Variants in KMT2A observed in about 807,000 individuals in gnomAD.
KMT2A encodes lysine methyltransferase 2A, also known as histone-lysine N-methyltransferase 2A.
KMT2A carries 16 observed loss-of-function variants against 345.3 expected under a neutral mutation model. That is an observed-to-expected ratio of 0.05 (90% confidence interval 0.03 to 0.07). KMT2A has a LOEUF of 0.07. Ranked by LOEUF, KMT2A falls within the 10% of genes least tolerant of loss-of-function variation. The pLI, the probability that KMT2A is intolerant of heterozygous loss-of-function variation, is 1.00. For missense variants in KMT2A, 3,272 were observed against 4,841.6 expected, an observed-to-expected ratio of 0.68 and a Z score of 9.62; for synonymous variants, 1,599 against 1,778.6, an observed-to-expected ratio of 0.90 and a Z score of 2.54.
In KMT2A at chr11:118,506,312, G is replaced by C; in HGVS notation, c.10420G>C (p.Asp3474His). 1 of 1,614,170 alleles carries C rather than the reference G, an allele frequency of 6.2e-7. No homozygotes were observed. The highest frequency in any genetic ancestry group is 1.7e-5 in the Admixed American group (1 of 60,026). Residue 3474 changes from aspartate to histidine, a missense_variant, in exon 27 of 36, where the codon GAT becomes CAT. Coordinates refer to ENST00000534358, the MANE Select transcript of KMT2A (RefSeq NM_001197104.2). ...AACTGGGATTCATTCTTCCCAGCGTGATCTTGATTCTGCTTCAGGGCCCCA... is the reference window on the plus strand; with the variant it reads ...AACTGGGATTCATTCTTCCCAGCGTCATCTTGATTCTGCTTCAGGGCCCCA... ...SKTGIHSSQR[D>H]LDSASGPQVS... is the part of the protein sequence containing the mutation.
intron 4 of KMT2A, among the ~76,000 whole-genome samples, chr11:118,477,597 TC>T (rs1950062847): frequency 7.3e-6 from 1 of 136,734 alleles, no homozygotes; most frequent in Non-Finnish European, 1.5e-5. Flanking sequence ...AGCCTCCACT[TC>T]CCAGGTTCAA....
chr11:118,507,880 G>A (rs1263278209), intron 28 of KMT2A: 2 of 331,028 alleles, frequency 6.0e-6, no homozygotes, highest in Non-Finnish European at 1.2e-5. Flanking sequence ...GGAGAAGGGC[G>A]TGAACCCAGG....
rs781976863 is a variant in KMT2A at position 118,505,302 on chromosome 11, G to A, written c.9410G>A (p.Gly3137Glu). ...GGAGGTGGTCTCACCCTTACCACAG[G>A]ACTAAATCCAAGCTTGCCAACTTCT... ...PMGGGLTLTT[G>E]LNPSLPTSQS... is the part of the protein sequence containing the mutation. Residue 3137 changes from glycine to glutamate, a missense_variant, in exon 27 of 36, where the codon GGA becomes GAA. Physicochemically the swap from Gly to Glu is moderately conservative, Grantham distance 98. This residue lies in a region of KMT2A where 748 missense variants were observed against 922.2 expected (regional missense o/e 0.81). Transcript: ENST00000534358. The surrounding 1 kb of genome is among the most constrained non-coding windows in gnomAD (Gnocchi z 4.6). 1 of 1,614,150 alleles carries A rather than the reference G, an allele frequency of 6.2e-7. No homozygotes were observed. The highest frequency in any genetic ancestry group is 1.1e-5 in the South Asian group (1 of 91,084).
In KMT2A at chr11:118,520,053, G is replaced by T; in HGVS notation, c.11418G>T (p.Leu3806=). 1 of 1,612,898 alleles carries T rather than the reference G, an allele frequency of 6.2e-7. No homozygotes were observed. The highest frequency in any genetic ancestry group is 1.1e-5 in the South Asian group (1 of 91,014). ...ATGAAGAAGAGGAGGAGGTACAGCT[G>T]AAGTCAGCTCGGTAAGTCTTGAGTG... The part of the protein sequence containing the change: ...PNDEEEEEVQ[L]KSARRATSMD... Residue 3806 remains leucine, a synonymous_variant, in exon 33 of 36, where the codon CTG becomes CTT. Coordinates refer to ENST00000534358, the MANE Select transcript of KMT2A (RefSeq NM_001197104.2). The surrounding 1 kb of genome is among the most constrained non-coding windows in gnomAD (Gnocchi z 4.3).
Position 118,510,482 on chromosome 11 carries a change from C to T in KMT2A, c.11071+364C>T, listed in dbSNP as rs563121921. Among the ~76,000 whole-genome samples the T allele has an allele frequency of 1.2e-4, 19 of 152,176 alleles. No individual in the cohort carries two copies. The highest frequency in any genetic ancestry group is 4.6e-4 in the African/African-American group (19 of 41,516). On this transcript the variant is annotated intron_variant, in intron 30 of 35. Transcript: ENST00000534358. This position sits in a 1 kb window ranked among gnomAD's most constrained non-coding sequence, Gnocchi z 4.1. ...TTTCTCCTCTGCCTGGAGTTCTCTC[C>T]CTGCCCTCAATCACCTGGTGAGCTC...
Position 118,495,164 on chromosome 11 carries a change from ATT to A in KMT2A, c.5363+409_5363+410del, listed in dbSNP as rs1204776106. Among the ~76,000 whole-genome samples, 2 of 140,986 alleles carry A rather than the reference ATT, an allele frequency of 1.4e-5. No individual in the cohort carries two copies. The highest frequency in any genetic ancestry group is 3.1e-5 in the Non-Finnish European group (2 of 64,832). 92.5% of individuals were successfully genotyped at this position (140,986 alleles called of 152,430 possible). On this transcript the variant is annotated intron_variant, in intron 18 of 35. Transcript: ENST00000534358. The surrounding 1 kb of genome is among the most constrained non-coding windows in gnomAD (Gnocchi z 4.1). The stretch of plus-strand genomic sequence containing the variant: ...TTGATTTGATTTTATTTATTTATTT[ATT>A]TTTTTTTTTTTGAGACGGAGTCTCG...
Position 118,525,617 on chromosome 11 carries a change from A to T in KMT2A, c.*3445A>T, listed in dbSNP as rs903907763. 33 of 228,136 alleles carry T rather than the reference A, an allele frequency of 1.4e-4. No homozygotes were observed. The highest frequency in any genetic ancestry group is 6.3e-4 in the East Asian group (10 of 15,896). 14.1% of individuals were successfully genotyped at this position (228,136 alleles called of 1,614,324 possible). The stretch of plus-strand genomic sequence containing the variant: ...TTTAAAAAAAATAAAAAATAAAAAA[A>T]AAAGGAAAAAAAAATACAACACACA... On this transcript the variant is annotated 3_prime_UTR_variant, in exon 36 of 36. Transcript: ENST00000534358.
intron 5 of KMT2A, among the ~76,000 whole-genome samples, chr11:118,479,714 A>G (rs190329497): frequency 2.6e-4 from 39 of 152,346 alleles, no homozygotes; most frequent in African/African-American, 8.2e-4. Flanking sequence ...GAATTTTATT[A>G]AATCTAAATT....
At chr11:118,480,121 G>A (rs1950105384) in intron 5 of KMT2A, 53 bp from the exon 6 acceptor site, 3 of 1,399,618 alleles carry the variant, frequency 2.1e-6, no homozygotes, top group African/African-American at 1.4e-5. Flanking sequence ...ACTTGTTTCA[G>A]TGCTTTTCTT....
At position 118,501,742 on chromosome 11, in the gene KMT2A, T is replaced by A; in HGVS notation, c.6390T>A (p.His2130Gln). The A allele has an allele frequency of 1.2e-6, 2 of 1,614,158 alleles. No homozygotes were observed. The highest frequency in any genetic ancestry group is 1.7e-6 in the Non-Finnish European group (2 of 1,180,010). Reference protein sequence around the residue: ...ISPPSPDRPPHSQTSGSCYYH... With the variant: ...ISPPSPDRPPQSQTSGSCYYH... ...CTCCATCACCAGACCGACCTCCTCA[T>A]TCACAAACCTCTGGCTCCTGTTATT... The change falls in exon 26 of 36, where the codon CAT (histidine) becomes CAA (glutamine). Residue 2130 changes from histidine (H) to glutamine (Q), a missense_variant. Coordinates refer to ENST00000534358, the MANE Select transcript of KMT2A (RefSeq NM_001197104.2).
chr11:118,510,103 G>T lies in KMT2A; in HGVS notation c.11056G>T (p.Ala3686Ser). Reference sequence around the variant, plus strand: ...CAGTGATGATGGCTTTCAGATCTGTGCAGAAAGTATTGAAGGTGAGTGGAT... The same window carrying T: ...CAGTGATGATGGCTTTCAGATCTGTTCAGAAAGTATTGAAGGTGAGTGGAT... ...ISSDDGFQIC[A>S]ESIEDAWKSL... is the part of the protein sequence containing the mutation. The change falls in exon 30 of 36, where the codon GCA becomes TCA. Residue 3686 changes from alanine (A) to serine (S), a missense_variant. By Grantham distance (99) the Ala-to-Ser change is moderately conservative. Around this residue, in one of 27 missense-constraint regions of KMT2A, gnomAD observed 72 missense variants for 135.6 expected, o/e 0.53. Coordinates refer to ENST00000534358, the MANE Select transcript of KMT2A (RefSeq NM_001197104.2). The surrounding 1 kb of genome is among the most constrained non-coding windows in gnomAD (Gnocchi z 4.1). 6.2e-7 allele frequency: 1 copy of T among 1,610,410 alleles called. No homozygotes were observed. The highest frequency in any genetic ancestry group is 8.5e-7 in the Non-Finnish European group (1 of 1,177,944).
chr11:118,441,177 GT>G (rs1290068543), intron 1 of KMT2A, among the ~76,000 whole-genome samples: 7 of 146,482 alleles, frequency 4.8e-5, no homozygotes, highest in African/African-American at 1.5e-4. Flanking sequence ...GATAATTTTT[GT>G]TTTTTTTTTG....
intron 1 of KMT2A, among the ~76,000 whole-genome samples, chr11:118,451,949 C>G (rs1402523630): frequency 1.3e-5 from 2 of 152,140 alleles, no homozygotes; most frequent in African/African-American, 4.8e-5. Context: ...TTCAGCTATT[C>G]TTCATTTACG....
Position 118,505,155 on chromosome 11 carries a change from T to A in KMT2A, c.9263T>A (p.Met3088Lys). Residue 3088 changes from methionine to lysine, a missense_variant, in exon 27 of 36, where the codon ATG becomes AAG. This residue lies in a region of KMT2A where 748 missense variants were observed against 922.2 expected (regional missense o/e 0.81). Coordinates refer to ENST00000534358, the MANE Select transcript of KMT2A (RefSeq NM_001197104.2). The surrounding 1 kb of genome is among the most constrained non-coding windows in gnomAD (Gnocchi z 4.6). ...TEKLIVVNQN[M>K]QPLYVLQTLP... ...AAACTCATAGTTGTTAACCAGAACA[T>A]GCAGCCACTTTATGTTCTCCAAACT... The A allele has an allele frequency of 6.2e-7, 1 of 1,614,122 alleles. No individual in the cohort carries two copies. Among genetic ancestry groups the A allele is most frequent in the African/African-American group, 1.3e-5 (1 of 75,024 alleles).
chr11:118,447,464 G>T (rs9332755), intron 1 of KMT2A, among the ~76,000 whole-genome samples: 3,750 of 152,284 alleles, frequency 0.025, 149 homozygotes, highest in African/African-American at 0.085. Context: ...TTTAAGTATG[G>T]CAAAGGAAAG....
In KMT2A at chr11:118,522,206, G is replaced by A; in HGVS notation, c.*34G>A. The A allele has an allele frequency of 6.2e-7, 1 of 1,605,712 alleles. No homozygotes were observed. On this transcript the variant is annotated 3_prime_UTR_variant, in exon 36 of 36. Transcript: ENST00000534358. This position sits in a 1 kb window ranked among gnomAD's most constrained non-coding sequence, Gnocchi z 5.4. ...TTCTCCCCCAGTGTTGGAGTGCAAG[G>A]AGGCGGGGCCATCCAAAGCAACGCT...
chr11:118,450,254 T>G (rs1555028461), intron 1 of KMT2A: 1 of 152,184 alleles, frequency 6.6e-6, no homozygotes, highest in African/African-American at 2.4e-5. Context: ...TTTGGGACAT[T>G]GCCAGGAATC....
chr11:118,506,527 G>A lies in KMT2A; in HGVS notation c.10635G>A (p.Arg3545=), dbSNP rs1207809329. 1.2e-6 allele frequency: 2 copies of A among 1,614,018 alleles called. No homozygotes were observed. The highest frequency in any genetic ancestry group is 1.7e-6 in the Non-Finnish European group (2 of 1,180,048). The part of the protein sequence containing the change: ...GPTKPKPKTK[R]FQLPLDKGNG... ...CTAAACCCAAACCAAAAACCAAACG[G>A]TTTCAGCTGCCTCTAGACAAAGGGA... The change falls in exon 27 of 36, where the codon CGG becomes CGA. Residue 3545 remains arginine (R), a synonymous_variant. Transcript: ENST00000534358.
intron 31 of KMT2A, among the ~76,000 whole-genome samples, chr11:118,518,386 C>T (rs952993825): frequency 4.6e-5 from 7 of 152,128 alleles, no homozygotes; most frequent in Admixed American, 4.6e-4. Context: ...CAGCATGAGA[C>T]GGTGAGTAGA....
Sources: gnomAD v4.1 joint callset for allele counts (sites outside exome capture counted in the v4.1 genomes callset) on GRCh38, gnomAD v4.1.1 for gene constraint, gnomAD v4.1.1 regional missense constraint, Gnocchi (gnomAD v3.1) non-coding constraint, MANE v1.5 for transcripts, NCBI Gene and HGNC (gene_info 2026-07-23, HGNC 2026-07-21) for gene names.